The following MTHFD2L variants were observed in gnomAD, a reference collection of about 807,000 sequenced individuals.
MTHFD2L encodes bifunctional methylenetetrahydrofolate dehydrogenase/cyclohydrolase 2, mitochondrial.
MTHFD2L carries 29 observed loss-of-function variants against 34.9 expected under a neutral mutation model. The ratio of observed to expected loss-of-function variants is 0.83; its 90% CI spans 0.62 to 1.13. The LOEUF (loss-of-function observed/expected upper bound fraction) is 1.13. MTHFD2L is among the 50% of genes most tolerant of loss of function. MTHFD2L has a pLI of 0.00. For missense variants in MTHFD2L, 481 were observed against 446.5 expected (o/e 1.08, Z -0.70); for synonymous variants, 167 against 155.7 (o/e 1.07, Z -0.54).
At chr4:74,178,748 C>T (rs1333916673) in intron 3 of MTHFD2L, among the ~76,000 whole-genome samples, 2 of 152,000 alleles carry the variant, frequency 1.3e-5, no homozygotes, top group East Asian at 3.8e-4. Context: ...TTACAAATGG[C>T]ACTTTGTATT....
At chr4:74,138,641 A>T (rs1723098820) in intron 1 of MTHFD2L, among the ~76,000 whole-genome samples, 1 of 152,162 alleles carries the variant, frequency 6.6e-6, no homozygotes, top group Non-Finnish European at 1.5e-5. Flanking sequence ...ACCCTGCTGG[A>T]TCCGGAGGAG....
At chr4:74,143,744 G>A (rs995820785) in intron 1 of MTHFD2L, among the ~76,000 whole-genome samples, 2 of 146,334 alleles carry the variant, frequency 1.4e-5, no homozygotes, top group African/African-American at 5.6e-5. Flanking sequence ...ATAAGCAAGA[G>A]GAGAGTCAAA....
intron 3 of MTHFD2L, among the ~76,000 whole-genome samples, chr4:74,197,489 A>G (rs891439107): frequency 6.6e-6 from 1 of 152,208 alleles, no homozygotes; most frequent in East Asian, 1.9e-4. Context: ...GAGAAACAAT[A>G]CATTTCTTGG....
intron 3 of MTHFD2L, chr4:74,190,395 T>A: frequency 1.2e-6 from 1 of 828,310 alleles, no homozygotes; most frequent in South Asian, 5.5e-5. Context: ...TTAATTTTTA[T>A]TTTTTATTTT....
At chr4:74,272,631 T>G (rs1437471353) in intron 6 of MTHFD2L, among the ~76,000 whole-genome samples, 2 of 152,136 alleles carry the variant, frequency 1.3e-5, no homozygotes, top group Non-Finnish European at 2.9e-5. Context: ...ACCGGATTGT[T>G]TTATCTGTAG....
At chr4:74,208,091 G>A (rs1184372958) in intron 5 of MTHFD2L, among the ~76,000 whole-genome samples, 1 of 152,200 alleles carries the variant, frequency 6.6e-6, no homozygotes, top group South Asian at 2.1e-4. Flanking sequence ...CAGGTATTTA[G>A]TCTCTGCCAC....
intron 3 of MTHFD2L, among the ~76,000 whole-genome samples, chr4:74,188,959 A>G (rs749903271): frequency 9.2e-5 from 14 of 151,964 alleles, no homozygotes; most frequent in East Asian, 1.9e-4. Flanking sequence ...CAATAAAACT[A>G]TATAGTAAAG....
At chr4:74,246,546 C>G (rs1417349738) in intron 6 of MTHFD2L, among the ~76,000 whole-genome samples, 2 of 152,146 alleles carry the variant, frequency 1.3e-5, no homozygotes, top group East Asian at 3.9e-4. Flanking sequence ...GACATGAAGT[C>G]CTTGCCCATG....
chr4:74,147,682 TTTTG>T (rs150712696), intron 1 of MTHFD2L, among the ~76,000 whole-genome samples: 1,575 of 152,216 alleles, frequency 0.01, 15 homozygotes, highest in Middle Eastern at 0.017. Context: ...ACACTTGTTA[TTTTG>T]TTTGTTTGTT....
chr4:74,291,217 A>G lies in MTHFD2L; in HGVS notation c.931+9667A>G, dbSNP rs568254261. Among the ~76,000 whole-genome samples, 237 of 151,232 alleles carry G rather than the reference A, an allele frequency of 1.6e-3. 1 individual carries two copies. The highest frequency in any genetic ancestry group is 2.6e-3 in the Non-Finnish European group (173 of 67,790). On this transcript the variant is annotated intron_variant, in intron 7 of 7. Coordinates refer to ENST00000325278, the MANE Select transcript of MTHFD2L (RefSeq NM_001144978.3). ...TTTTTAGTAGAGATAGGGTTTCACC[A>G]TGTTGACCAGGATGGTCTTGATCTC...
chr4:74,195,368 A>G (rs1733290012), intron 3 of MTHFD2L: 1 of 152,248 alleles, frequency 6.6e-6, no homozygotes, highest in Non-Finnish European at 1.5e-5. Context: ...GGTTGCACAT[A>G]TAGAAGAAGG....
At chr4:74,144,754 T>C (rs1465187443) in intron 1 of MTHFD2L, among the ~76,000 whole-genome samples, 1 of 152,236 alleles carries the variant, frequency 6.6e-6, no homozygotes, top group Non-Finnish European at 1.5e-5. Flanking sequence ...GTTTTTTCTC[T>C]GTACATTTCA....
At chr4:74,268,429 C>T (rs568235779) in intron 6 of MTHFD2L, among the ~76,000 whole-genome samples, 3 of 151,796 alleles carry the variant, frequency 2.0e-5, no homozygotes, top group African/African-American at 7.3e-5. Flanking sequence ...GGTTTTGTTC[C>T]CAGCCTTACC....
intron 6 of MTHFD2L, among the ~76,000 whole-genome samples, chr4:74,260,569 A>G (rs1744550769): frequency 6.6e-6 from 1 of 152,138 alleles, no homozygotes; most frequent in East Asian, 1.9e-4. Context: ...TGTTAATGAC[A>G]TAAATACTAG....
chr4:74,163,042 G>T (rs1725796640), intron 1 of MTHFD2L, among the ~76,000 whole-genome samples: 1 of 150,964 alleles, frequency 6.6e-6, no homozygotes, highest in South Asian at 2.1e-4. Context: ...CATAAACTTG[G>T]ATTGGAGGTT....
At chr4:74,268,597 A>G (rs1745592190) in intron 6 of MTHFD2L, among the ~76,000 whole-genome samples, 1 of 152,200 alleles carries the variant, frequency 6.6e-6, no homozygotes. Flanking sequence ...GAACTCTACT[A>G]ATTAAAGTGA....
intron 6 of MTHFD2L, among the ~76,000 whole-genome samples, chr4:74,280,047 A>G (rs6814880): frequency 0.32 from 48,706 of 151,910 alleles, 9,703 homozygotes; most frequent in African/African-American, 0.57. Flanking sequence ...AATGCAGTGG[A>G]TAGGCTTTTC....
In MTHFD2L at chr4:74,165,353, T is replaced by A. The variant is rs187884989; in HGVS notation, c.143+7072T>A. On this transcript the variant is annotated intron_variant, in intron 1 of 7. Coordinates refer to ENST00000325278, the MANE Select transcript of MTHFD2L (RefSeq NM_001144978.3). ...AATTTTCTGAAAAAAGTTAATAAGA[T>A]CTTATGCTTTGTTTATTTTTTTTGA... Among the ~76,000 whole-genome samples, 426 of 152,160 alleles carry A rather than the reference T, an allele frequency of 2.8e-3. 1 individual carries two copies. The highest frequency in any genetic ancestry group is 9.5e-3 in the African/African-American group (393 of 41,528).
At chr4:74,216,798 A>G (rs867875603) in intron 5 of MTHFD2L, among the ~76,000 whole-genome samples, 1 of 151,760 alleles carries the variant, frequency 6.6e-6, no homozygotes. Flanking sequence ...TATGCCTATG[A>G]TATCACCACC....
Sources: gnomAD v4.1 joint callset for allele counts (sites outside exome capture counted in the v4.1 genomes callset) on GRCh38, gnomAD v4.1.1 for gene constraint, MANE v1.5 for transcripts, NCBI Gene and HGNC (gene_info 2026-07-23, HGNC 2026-07-21) for gene names.